Variants in PLCB4 observed in about 807,000 individuals in gnomAD.
PLCB4 encodes 1-phosphatidylinositol 4,5-bisphosphate phosphodiesterase beta-4.
Under a neutral mutation model 178.8 loss-of-function variants are expected in PLCB4, and 77 were observed. The observed-to-expected ratio is 0.43, with a 90% CI of 0.36 to 0.52. The LOEUF (loss-of-function observed/expected upper bound fraction) is 0.52. PLCB4 is among the 20% of genes least tolerant of loss of function. The pLI, the probability that PLCB4 is intolerant of heterozygous loss-of-function variation, is 0.00. For missense variants in PLCB4, 1,024 were observed against 1,453.4 expected (o/e 0.70, Z 4.80); for synonymous variants, 496 against 490.8 (o/e 1.01, Z -0.14).
intron 4 of PLCB4, among the ~76,000 whole-genome samples, chr20:9,321,054 A>G (rs1023051474): frequency 1.3e-5 from 2 of 152,236 alleles, no homozygotes; most frequent in African/African-American, 4.8e-5. Context: ...CAGGCAACAC[A>G]GAGAAAAGGG....
intron 34 of PLCB4, among the ~76,000 whole-genome samples, chr20:9,458,839 C>T (rs1324941733): frequency 6.6e-6 from 1 of 152,178 alleles, no homozygotes; most frequent in Non-Finnish European, 1.5e-5. Context: ...AGAGGCACTG[C>T]AAAACCCCAC....
At chr20:9,351,285 A>G (rs1241531894) in intron 7 of PLCB4, among the ~76,000 whole-genome samples, 4 of 152,146 alleles carry the variant, frequency 2.6e-5, no homozygotes, top group Non-Finnish European at 5.9e-5. Context: ...TGCTGCACCC[A>G]TCAACAGAAG....
chr20:9,199,046 TACTCTTA>T (rs1430688978), intron 2 of PLCB4, among the ~76,000 whole-genome samples: 2 of 152,234 alleles, frequency 1.3e-5, no homozygotes, highest in Non-Finnish European at 2.9e-5. Flanking sequence ...GGTTGGTCTA[TACTCTTA>T]ACATGGTGTG....
At chr20:9,318,868 C>G (rs1026312453) in intron 4 of PLCB4, among the ~76,000 whole-genome samples, 3 of 152,188 alleles carry the variant, frequency 2.0e-5, no homozygotes, top group Non-Finnish European at 4.4e-5. Flanking sequence ...AGTGCTGATT[C>G]TCTATTGCTT....
chr20:9,133,247 G>T (rs915104626), intron 2 of PLCB4, among the ~76,000 whole-genome samples: 1 of 151,994 alleles, frequency 6.6e-6, no homozygotes. Context: ...CTGTTTTTCT[G>T]ATCACACTGA....
Position 9,296,494 on chromosome 20 carries a change from A to C in PLCB4, c.-15-11306A>C, listed in dbSNP as rs1174875323. The stretch of plus-strand genomic sequence containing the variant: ...AACTAGAAATACCATTTGACACAGC[A>C]ATCCCATTACTGGGTATATACCCAA... On this transcript the variant is annotated intron_variant, in intron 3 of 39. Transcript: ENST00000378473. Among the ~76,000 whole-genome samples the C allele has an allele frequency of 5.3e-5, 8 of 152,162 alleles. No individual in the cohort carries two copies. In the South Asian group the frequency reaches 8.3e-4, roughly 16 times the overall value.
At chr20:9,205,945 A>G (rs1378865847) in intron 2 of PLCB4, among the ~76,000 whole-genome samples, 1 of 152,126 alleles carries the variant, frequency 6.6e-6, no homozygotes, top group Non-Finnish European at 1.5e-5. Flanking sequence ...ATCAATAGTT[A>G]TTTCCTTTCT....
chr20:9,352,675 T>G (rs963717822), intron 7 of PLCB4, among the ~76,000 whole-genome samples: 12 of 152,226 alleles, frequency 7.9e-5, no homozygotes, highest in African/African-American at 2.9e-4. Flanking sequence ...AATATTATCC[T>G]CACCCATTCA....
chr20:9,081,752 C>A (rs1463151831), intron 1 of PLCB4, among the ~76,000 whole-genome samples: 10 of 72,974 alleles, frequency 1.4e-4, no homozygotes, highest in South Asian at 5.4e-4. Flanking sequence ...ATTAGGAAAA[C>A]AATCTGATGA....
chr20:9,157,977 T>C (rs549306581), intron 2 of PLCB4, among the ~76,000 whole-genome samples: 40 of 152,302 alleles, frequency 2.6e-4, no homozygotes, highest in African/African-American at 9.6e-4. Context: ...ATATGTCAGC[T>C]AGCCTTTCGG....
At chr20:9,275,326 A>G (rs1057220989) in intron 3 of PLCB4, among the ~76,000 whole-genome samples, 2 of 152,052 alleles carry the variant, frequency 1.3e-5, no homozygotes, top group African/African-American at 4.8e-5. Flanking sequence ...ACTGACTCCC[A>G]TGATTCAGTT....
At chr20:9,397,678 A>G (rs975380851) in intron 19 of PLCB4, among the ~76,000 whole-genome samples, 2 of 152,186 alleles carry the variant, frequency 1.3e-5, no homozygotes, top group African/African-American at 4.8e-5. Context: ...TGGGTTTGAC[A>G]TTACTCCCAG....
chr20:9,400,485 A>G (rs540015984), intron 19 of PLCB4, among the ~76,000 whole-genome samples: 17 of 152,218 alleles, frequency 1.1e-4, no homozygotes, highest in Non-Finnish European at 2.2e-4. Flanking sequence ...AAAAAAATCT[A>G]TCTCATTCTT....
At chr20:9,366,017 G>A (rs2035748471) in intron 9 of PLCB4, among the ~76,000 whole-genome samples, 1 of 152,092 alleles carries the variant, frequency 6.6e-6, no homozygotes, top group Non-Finnish European at 1.5e-5. Context: ...CTCTCTACAT[G>A]TACTGTAACT....
At chr20:9,272,651 C>T (rs570006160) in intron 3 of PLCB4, among the ~76,000 whole-genome samples, 1 of 152,242 alleles carries the variant, frequency 6.6e-6, no homozygotes, top group South Asian at 2.1e-4. Context: ...AGCAAGTAAG[C>T]TACCAGAGCT....
At chr20:9,196,754 G>T (rs537842365) in intron 2 of PLCB4, among the ~76,000 whole-genome samples, 17 of 152,260 alleles carry the variant, frequency 1.1e-4, no homozygotes, top group Admixed American at 1.1e-3. Context: ...TCTTTGGTGG[G>T]TTGGAGATTT....
At chr20:9,259,818 G>A (rs902871908) in intron 3 of PLCB4, among the ~76,000 whole-genome samples, 1 of 151,924 alleles carries the variant, frequency 6.6e-6, no homozygotes, top group Non-Finnish European at 1.5e-5. Flanking sequence ...AAAAAAGAAT[G>A]TAGAATACTT....
At chr20:9,356,338 CA>C (rs1705209267) in intron 7 of PLCB4, among the ~76,000 whole-genome samples, 2 of 152,136 alleles carry the variant, frequency 1.3e-5, no homozygotes, top group African/African-American at 4.8e-5. Context: ...TTTATAGACT[CA>C]TAAGAGGAAA....
Position 9,334,287 on chromosome 20 carries a change from A to G in PLCB4, c.85-2839A>G, listed in dbSNP as rs2032126350. ...AAGGTGTGCACTCCTATTTTGCAGC[A>G]TGCTGGACTGGCCAGAGAAGTTTTA... On this transcript the variant is annotated intron_variant, in intron 4 of 39. Transcript: ENST00000378473. Among the ~76,000 whole-genome samples, 3 of 152,166 alleles carry G rather than the reference A, an allele frequency of 2.0e-5. No individual in the cohort carries two copies. The South Asian group carries it at 6.2e-4, about 32-fold the overall frequency.
Sources: gnomAD v4.1 joint callset for allele counts (sites outside exome capture counted in the v4.1 genomes callset) on GRCh38, gnomAD v4.1.1 for gene constraint, MANE v1.5 for transcripts, NCBI Gene and HGNC (gene_info 2026-07-23, HGNC 2026-07-21) for gene names.